WDPCP: variants seen among roughly 807,000 people sequenced by gnomAD.
The protein encoded by WDPCP is WD repeat-containing and planar cell polarity effector protein fritz homolog.
In WDPCP, 71 loss-of-function variants were observed where a neutral mutation model predicts 93.1. The ratio of observed to expected loss-of-function variants is 0.76; its 90% CI spans 0.63 to 0.93. The LOEUF is 0.93. WDPCP is among the 40% of genes least tolerant of loss of function. The probability of loss-of-function intolerance (pLI) is 0.00; values close to 1 mark genes in which losing one functional copy is unlikely to be tolerated. For synonymous variants in WDPCP, 315 were observed against 315.0 expected, an observed-to-expected ratio of 1.00 and a Z score of 0.00; for missense variants, 844 against 887.4, an observed-to-expected ratio of 0.95 and a Z score of 0.62.
intron 12 of WDPCP, among the ~76,000 whole-genome samples, chr2:63,341,548 G>A (rs1321444470): frequency 1.3e-5 from 2 of 152,168 alleles, no homozygotes; most frequent in Non-Finnish European, 1.5e-5. Flanking sequence ...ATTGGGTGTC[G>A]TTAGTTTATA....
At position 63,492,929 on chromosome 2, in the gene WDPCP, G is replaced by A. The variant is rs747534365; in HGVS notation, c.87C>T (p.Ser29=). Residue 29 remains serine (S), a synonymous_variant, in exon 2 of 18, where the codon TCC becomes TCT. Transcript: ENST00000272321. The part of the protein sequence containing the change: ...SSPLPRQDRD[S]FCHQMSFCLT... ...AGCAGAAAGACATCTGATGGCAGAA[G>A]GAATCTCTATCCTGTTTAAAAAATA... 6.2e-7 allele frequency: 1 copy of A among 1,613,348 alleles called. No homozygotes were observed. Among genetic ancestry groups the A allele is most frequent in the South Asian group, 1.1e-5 (1 of 91,072 alleles).
Position 63,439,831 on chromosome 2 carries a change from G to T in WDPCP, c.425C>A (p.Ser142Tyr). ...CACCACTTTCTCCAGCTGCGGCCCAGAAAGGCTTAGAGACACCAGCACACC... is the reference window on the plus strand; with the variant it reads ...CACCACTTTCTCCAGCTGCGGCCCATAAAGGCTTAGAGACACCAGCACACC... ...GSGVLVSLSL[S>Y]GPQLEKVVID... Residue 142 changes from serine to tyrosine, a missense_variant, in exon 7 of 18, where the codon TCT becomes TAT. Transcript: ENST00000272321. The T allele has an allele frequency of 6.2e-7, 1 of 1,613,204 alleles. No individual in the cohort carries two copies. Among genetic ancestry groups the T allele is most frequent in the Non-Finnish European group, 8.5e-7 (1 of 1,179,394 alleles).
intron 10 of WDPCP, among the ~76,000 whole-genome samples, chr2:63,392,847 A>T (rs2105041647): frequency 6.6e-6 from 1 of 152,344 alleles, no homozygotes; most frequent in South Asian, 2.1e-4. Flanking sequence ...ATACCATCTC[A>T]CGCCAGTTAT....
intron 17 of WDPCP, among the ~76,000 whole-genome samples, chr2:63,144,419 C>T (rs368615469): frequency 1.1e-4 from 16 of 152,094 alleles, no homozygotes; most frequent in African/African-American, 3.4e-4. Flanking sequence ...TTTTGTCCAG[C>T]TAATTTTTGT....
intron 2 of WDPCP, among the ~76,000 whole-genome samples, chr2:63,682,550 C>G (rs1232173108): frequency 6.6e-6 from 1 of 151,346 alleles, no homozygotes; most frequent in Non-Finnish European, 1.5e-5. Context: ...AGTAAATAGT[C>G]TCAAAAGGGA....
At chr2:63,444,070 A>G (rs1318155390) in intron 6 of WDPCP, among the ~76,000 whole-genome samples, 2 of 152,292 alleles carry the variant, frequency 1.3e-5, no homozygotes, top group East Asian at 3.9e-4. Context: ...ATACAAAGGT[A>G]GTATTTAAAG....
chr2:63,435,996 TTC>T (rs2105485890), intron 8 of WDPCP, among the ~76,000 whole-genome samples: 1 of 152,238 alleles, frequency 6.6e-6, no homozygotes, highest in African/African-American at 2.4e-5. Flanking sequence ...TCTTGACAGT[TTC>T]TCTCTGTTCT....
intron 13 of WDPCP, among the ~76,000 whole-genome samples, chr2:63,266,536 G>A (rs554304930): frequency 2.0e-5 from 3 of 152,294 alleles, no homozygotes; most frequent in Admixed American, 6.5e-5. Context: ...GGCTGGGCAC[G>A]GTGGCTCACG....
At chr2:63,221,227 C>A (rs1209594369) in intron 14 of WDPCP, among the ~76,000 whole-genome samples, 1 of 152,112 alleles carries the variant, frequency 6.6e-6, no homozygotes, top group Non-Finnish European at 1.5e-5. Flanking sequence ...ACTATTTTTC[C>A]AGGATTCATG....
At chr2:63,551,024 C>T (rs1290155689) in intron 1 of WDPCP, among the ~76,000 whole-genome samples, 1 of 152,094 alleles carries the variant, frequency 6.6e-6, no homozygotes, top group Non-Finnish European at 1.5e-5. Flanking sequence ...CTCCTTCTGC[C>T]TTGCTACTCA....
chr2:63,541,532 T>C (rs954433238), intron 1 of WDPCP, among the ~76,000 whole-genome samples: 1 of 152,196 alleles, frequency 6.6e-6, no homozygotes, highest in Non-Finnish European at 1.5e-5. Flanking sequence ...CCATTTATCA[T>C]AATGAAAAGT....
rs1371728077 is a variant in WDPCP at position 63,259,429 on chromosome 2, T to C, written c.1813-20A>G. 1.9e-6 allele frequency: 3 copies of C among 1,586,356 alleles called. No homozygotes were observed. The highest frequency in any genetic ancestry group is 2.2e-5 in the East Asian group (1 of 44,632). On this transcript the variant is annotated intron_variant, in intron 13 of 17. Coordinates refer to ENST00000272321, the MANE Select transcript of WDPCP (RefSeq NM_015910.7). The stretch of plus-strand genomic sequence containing the variant: ...AATATCCTGAGGAAATAAAGCAAAA[T>C]AAAAGATTGATTCAAAATGAACCTT...
At chr2:63,409,536 C>T (rs1694872214) in intron 9 of WDPCP, among the ~76,000 whole-genome samples, 1 of 152,024 alleles carries the variant, frequency 6.6e-6, no homozygotes, top group South Asian at 2.1e-4. Flanking sequence ...GCAATGGATC[C>T]AAACCAAGAA....
intron 9 of WDPCP, among the ~76,000 whole-genome samples, chr2:63,428,266 G>A (rs1213808598): frequency 2.0e-5 from 3 of 151,504 alleles, no homozygotes; most frequent in African/African-American, 7.3e-5. Context: ...ACCAAAATCT[G>A]GCAGAGACAC....
At chr2:63,657,205 G>T (rs369096363) in intron 2 of WDPCP, among the ~76,000 whole-genome samples, 121 of 114,128 alleles carry the variant, frequency 1.1e-3, no homozygotes, top group East Asian at 3.1e-3. Flanking sequence ...TCTGGGTGAT[G>T]TTTTTTTTTT....
At chr2:63,413,902 G>A (rs1203468713) in intron 9 of WDPCP, among the ~76,000 whole-genome samples, 4 of 151,994 alleles carry the variant, frequency 2.6e-5, no homozygotes, top group Non-Finnish European at 5.9e-5. Context: ...AGACAACCCA[G>A]TGGGAGAAAA....
chr2:63,722,367 G>A (rs1342591071), intron 2 of WDPCP, among the ~76,000 whole-genome samples: 1 of 145,460 alleles, frequency 6.9e-6, no homozygotes. Context: ...TGTGGGGAGC[G>A]CCTCTGCCCC....
chr2:63,656,350 C>A (rs1353679138), intron 2 of WDPCP, among the ~76,000 whole-genome samples: 1 of 152,192 alleles, frequency 6.6e-6, no homozygotes, highest in African/African-American at 2.4e-5. Flanking sequence ...CAGATGCAGA[C>A]TGGGTTGGTG....
intron 14 of WDPCP, among the ~76,000 whole-genome samples, chr2:63,178,479 A>G: frequency 6.6e-6 from 1 of 152,104 alleles, no homozygotes; most frequent in East Asian, 1.9e-4. Context: ...TAAGTTTTCC[A>G]GTTTGTTGGC....
Sources: gnomAD v4.1 joint callset for allele counts (sites outside exome capture counted in the v4.1 genomes callset) on GRCh38, gnomAD v4.1.1 for gene constraint, MANE v1.5 for transcripts, NCBI Gene and HGNC (gene_info 2026-07-23, HGNC 2026-07-21) for gene names.